Variants in FHIP1A observed in about 807,000 individuals in gnomAD.
FHIP1A encodes FHF complex subunit HOOK-interacting protein 1A.
In FHIP1A, 61 loss-of-function variants were observed where a neutral mutation model predicts 88.6. The observed-to-expected ratio is 0.69, with a 90% CI of 0.56 to 0.85. The LOEUF (loss-of-function observed/expected upper bound fraction) is 0.85, where lower values mean the gene tolerates loss of function less well. FHIP1A is among the 40% of genes least tolerant of loss of function. The pLI is 0.00. For missense variants in FHIP1A, 1,154 were observed against 1,273.5 expected, an observed-to-expected ratio of 0.91 and a Z score of 1.43; for synonymous variants, 478 against 496.0, an observed-to-expected ratio of 0.96 and a Z score of 0.48.
At chr4:151,446,581 C>CTTTTTTTTTTTTTTTT (rs35115788) in intron 1 of FHIP1A, among the ~76,000 whole-genome samples, 1 of 109,968 alleles carries the variant, frequency 9.1e-6, no homozygotes, top group Admixed American at 9.8e-5. Context: ...TGTTCTTTTT[C>CTTTTTTTTTTTTTTTT]TTTTTTTTTT....
At chr4:151,489,712 G>C (rs1276210026) in intron 3 of FHIP1A, among the ~76,000 whole-genome samples, 1 of 152,110 alleles carries the variant, frequency 6.6e-6, no homozygotes, top group Non-Finnish European at 1.5e-5. Context: ...CCGCTTCCCT[G>C]ATGACCTGTA....
At chr4:151,413,663 C>T (rs1732768894) in intron 1 of FHIP1A, among the ~76,000 whole-genome samples, 1 of 152,148 alleles carries the variant, frequency 6.6e-6, no homozygotes, top group South Asian at 2.1e-4. Context: ...CCATGTTGGC[C>T]AGGCTGGTCT....
At chr4:151,454,391 C>T (rs866191352) in intron 1 of FHIP1A, among the ~76,000 whole-genome samples, 4 of 152,108 alleles carry the variant, frequency 2.6e-5, no homozygotes, top group Non-Finnish European at 5.9e-5. Flanking sequence ...TTGTATGACA[C>T]AGAACAAGCT....
intron 7 of FHIP1A, among the ~76,000 whole-genome samples, chr4:151,619,194 T>C (rs544529199): frequency 2.6e-5 from 4 of 152,232 alleles, no homozygotes; most frequent in African/African-American, 9.6e-5. Context: ...ATTTAACTAT[T>C]GTACAAAAAT....
intron 7 of FHIP1A, among the ~76,000 whole-genome samples, chr4:151,622,809 T>C (rs1735796503): frequency 6.6e-6 from 1 of 152,170 alleles, no homozygotes; most frequent in Non-Finnish European, 1.5e-5. Flanking sequence ...CATATTTCCT[T>C]GTTAATTATT....
In FHIP1A at chr4:151,656,866, T is replaced by C. The variant is rs1442268681; in HGVS notation, c.2837T>C (p.Met946Thr). The change falls in exon 13 of 14, where the codon ATG (methionine) becomes ACG (threonine). Residue 946 changes from methionine to threonine, a missense_variant. Met to Thr is a moderately conservative substitution (Grantham distance 81). Transcript: ENST00000435205. This position sits in a 1 kb window ranked among gnomAD's most constrained non-coding sequence, Gnocchi z 4.2. Reference protein sequence around the residue: ...AQQYLLFRVDMSDMTPAALTK... With the variant: ...AQQYLLFRVDTSDMTPAALTK... ...CAGTACCTGCTCTTCCGTGTGGACA[T>C]GTCTGATATGACCCCTGCAGCACTA... 1.3e-6 allele frequency: 2 copies of C among 1,551,584 alleles called. No individual in the cohort carries two copies. The highest frequency in any genetic ancestry group is 2.4e-5 in the South Asian group (2 of 84,050).
At chr4:151,632,573 C>A (rs1361687995) in intron 8 of FHIP1A, among the ~76,000 whole-genome samples, 1 of 151,976 alleles carries the variant, frequency 6.6e-6, no homozygotes, top group Non-Finnish European at 1.5e-5. Context: ...CCAGGATAGA[C>A]CACTTGTTAG....
At chr4:151,524,136 C>T (rs2126699603) in intron 3 of FHIP1A, among the ~76,000 whole-genome samples, 1 of 152,108 alleles carries the variant, frequency 6.6e-6, no homozygotes, top group Middle Eastern at 3.4e-3. Context: ...ACAGTGAAAC[C>T]CTGTCTCTAC....
intron 6 of FHIP1A, among the ~76,000 whole-genome samples, chr4:151,587,517 C>G (rs1385156416): frequency 2.0e-5 from 3 of 147,994 alleles, no homozygotes; most frequent in African/African-American, 7.4e-5. Context: ...TTTTCTCGGC[C>G]TTTTTTTTTA....
chr4:151,491,949 T>C (rs1348436122), intron 3 of FHIP1A, among the ~76,000 whole-genome samples: 1 of 151,768 alleles, frequency 6.6e-6, no homozygotes, highest in Non-Finnish European at 1.5e-5. Context: ...AGCAGGAAAA[T>C]AACACAATTC....
chr4:151,523,411 C>T (rs1042462821), intron 3 of FHIP1A, among the ~76,000 whole-genome samples: 2 of 152,188 alleles, frequency 1.3e-5, no homozygotes, highest in African/African-American at 2.4e-5. Context: ...ATTCCTCCCT[C>T]TATTATCCCC....
intron 3 of FHIP1A, among the ~76,000 whole-genome samples, chr4:151,500,011 T>C (rs141803347): frequency 7.4e-4 from 112 of 152,328 alleles, no homozygotes; most frequent in African/African-American, 2.6e-3. Context: ...CATTTTCTTT[T>C]GGAAGTCTTT....
At chr4:151,561,532 T>C (rs2126764116) in intron 3 of FHIP1A, among the ~76,000 whole-genome samples, 1 of 152,326 alleles carries the variant, frequency 6.6e-6, no homozygotes, top group East Asian at 1.9e-4. Context: ...CCCTCCTCAA[T>C]ACTGCTATTA....
chr4:151,638,749 G>C lies in FHIP1A; in HGVS notation c.1219G>C (p.Val407Leu), dbSNP rs1736460914. The change falls in exon 9 of 14, where the codon GTT (valine) becomes CTT (leucine). Residue 407 changes from valine to leucine, a missense_variant. By Grantham distance (32) the Val-to-Leu change is conservative. Coordinates refer to ENST00000435205, the MANE Select transcript of FHIP1A (RefSeq NM_001109977.3). ...LHCEDVMLQL[V>L]LRYLIPCNHM... ...TTGTGAAGATGTGATGTTACAGCTA[G>C]TTCTAAGGTGAGTTGCCTTTTTTGT... 2.6e-6 allele frequency: 4 copies of C among 1,541,528 alleles called. No homozygotes were observed. Among genetic ancestry groups the C allele is most frequent in the Non-Finnish European group, 3.5e-6 (4 of 1,140,422 alleles).
rs547725020 is a variant in FHIP1A, at chr4:151,422,226, T to A, written c.-356+12761T>A. 1.8e-3 allele frequency among the ~76,000 whole-genome samples: 270 copies of A among 150,662 alleles called. 2 individuals are homozygous for A. Among genetic ancestry groups the A allele is most frequent in the East Asian group, 3.5e-3 (18 of 5,150 alleles). On this transcript the variant is annotated intron_variant, in intron 1 of 13. Transcript: ENST00000435205. ...AAATATTTATGAGACATTAAAAAAA[T>A]ATATATATATATTAACTCTTTCCCC...
chr4:151,422,809 G>A (rs1252475637), intron 1 of FHIP1A, among the ~76,000 whole-genome samples: 1 of 152,186 alleles, frequency 6.6e-6, no homozygotes, highest in Non-Finnish European at 1.5e-5. Flanking sequence ...ATACAAGCGT[G>A]GAATTGAGAA....
At chr4:151,496,412 T>C (rs1441206735) in intron 3 of FHIP1A, among the ~76,000 whole-genome samples, 1 of 152,096 alleles carries the variant, frequency 6.6e-6, no homozygotes, top group Admixed American at 6.5e-5. Context: ...TATGAATATA[T>C]ATTTGTTTTT....
rs2126940479 is a variant in FHIP1A, at chr4:151,666,224, A to G, written c.*3470A>G. On this transcript the variant is annotated 3_prime_UTR_variant, in exon 14 of 14. Transcript: ENST00000435205. ...CATAATTTCATGGGTGGTAAAATAC[A>G]ATTTCCCAACCATGAAATGGGAGTG... 6.6e-6 allele frequency among the ~76,000 whole-genome samples: 1 copy of G among 152,376 alleles called. No individual in the cohort carries two copies. Among genetic ancestry groups the G allele is most frequent in the East Asian group, 1.9e-4 (1 of 5,190 alleles).
intron 7 of FHIP1A, among the ~76,000 whole-genome samples, chr4:151,603,197 C>CA (rs1734938554): frequency 6.6e-6 from 1 of 152,018 alleles, no homozygotes; most frequent in African/African-American, 2.4e-5. Context: ...CCTGTAGTCC[C>CA]AGCTACTCAG....
Sources: allele counts gnomAD v4.1 joint callset (sites outside exome capture counted in the v4.1 genomes callset), GRCh38; gene constraint gnomAD v4.1.1; non-coding constraint Gnocchi (gnomAD v3.1); transcripts MANE v1.5; gene names NCBI Gene and HGNC (gene_info 2026-07-23, HGNC 2026-07-21).